Variants in BBX observed in about 807,000 individuals in gnomAD.
BBX encodes HMG box transcription factor BBX.
In BBX, 30 loss-of-function variants were observed where a neutral mutation model predicts 100.2. The observed-to-expected ratio is 0.30, with a 90% CI of 0.22 to 0.41. BBX has a LOEUF of 0.41. Ranked by LOEUF, BBX falls within the 10% of genes least tolerant of loss-of-function variation. BBX has a pLI of 1.00. For synonymous variants in BBX, 376 were observed against 388.1 expected (o/e 0.97, Z 0.37); for missense variants, 1,023 against 1,129.8 (o/e 0.91, Z 1.35).
intron 3 of BBX, among the ~76,000 whole-genome samples, chr3:107,708,318 G>C (rs2061504383): frequency 6.6e-6 from 1 of 152,154 alleles, no homozygotes; most frequent in South Asian, 2.1e-4. Flanking sequence ...TTCTTGCTAA[G>C]AATGCCACAA....
At position 107,654,958 on chromosome 3, in the gene BBX, T is replaced by C. The variant is rs141526946; in HGVS notation, c.-10+9049T>C. On this transcript the variant is annotated intron_variant, in intron 3 of 17. Coordinates refer to ENST00000325805, the MANE Select transcript of BBX (RefSeq NM_001142568.3). ...AAAATAGGCAGCAAGTAAAAAATGA[T>C]CTATAACTTTTTTTGCTTCTTAACT... 5.4e-3 allele frequency among the ~76,000 whole-genome samples: 817 copies of C among 152,272 alleles called. 4 individuals are homozygous for C. The highest frequency in any genetic ancestry group is 8.4e-3 in the Non-Finnish European group (574 of 67,996).
At chr3:107,678,017 T>C (rs547496046) in intron 3 of BBX, among the ~76,000 whole-genome samples, 1 of 152,330 alleles carries the variant, frequency 6.6e-6, no homozygotes, top group South Asian at 2.1e-4. Context: ...TCGTAAACAA[T>C]TTAGCATTCA....
intron 10 of BBX, among the ~76,000 whole-genome samples, chr3:107,757,818 A>G (rs1576660171): frequency 6.6e-6 from 1 of 152,236 alleles, no homozygotes; most frequent in Non-Finnish European, 1.5e-5. Context: ...ATAAGAAGAT[A>G]TTGAAGATTT....
chr3:107,634,831 A>G (rs1576100367), intron 2 of BBX, among the ~76,000 whole-genome samples: 1 of 152,180 alleles, frequency 6.6e-6, no homozygotes, highest in African/African-American at 2.4e-5. Flanking sequence ...CTTTCTTTCT[A>G]TCCACCTTAC....
At chr3:107,668,567 G>A (rs961545643) in intron 3 of BBX, among the ~76,000 whole-genome samples, 2 of 152,176 alleles carry the variant, frequency 1.3e-5, no homozygotes, top group Non-Finnish European at 2.9e-5. Context: ...CTGGACCTAA[G>A]AAAGTTCATG....
intron 2 of BBX, among the ~76,000 whole-genome samples, chr3:107,561,582 A>C (rs2050500816): frequency 6.6e-6 from 1 of 152,194 alleles, no homozygotes; most frequent in South Asian, 2.1e-4. Context: ...GATTAATCAC[A>C]ACAGTGGTCA....
intron 3 of BBX, among the ~76,000 whole-genome samples, chr3:107,681,560 C>T (rs951923519): frequency 1.3e-5 from 2 of 151,998 alleles, no homozygotes; most frequent in African/African-American, 2.4e-5. Flanking sequence ...GGAAGTGAAA[C>T]AGCCTTGCCA....
intron 2 of BBX, among the ~76,000 whole-genome samples, chr3:107,594,703 T>G (rs2107601756): frequency 6.6e-6 from 1 of 152,264 alleles, no homozygotes; most frequent in South Asian, 2.1e-4. Flanking sequence ...CATAGGATTG[T>G]TAGGAGATTT....
At chr3:107,573,671 A>G (rs1477836790) in intron 2 of BBX, among the ~76,000 whole-genome samples, 1 of 152,266 alleles carries the variant, frequency 6.6e-6, no homozygotes, top group East Asian at 1.9e-4. Context: ...TATTTTCAGT[A>G]CATTTTAAAG....
In BBX at chr3:107,810,218, A is replaced by T. The variant is rs1416917305; in HGVS notation, c.*4761A>T. The T allele has an allele frequency of 6.6e-6, 1 of 151,898 alleles. No homozygotes were observed. Among genetic ancestry groups the T allele is most frequent in the African/African-American group, 2.4e-5 (1 of 41,366 alleles). 9.4% of individuals were successfully genotyped at this position (151,898 alleles called of 1,614,324 possible). On this transcript the variant is annotated 3_prime_UTR_variant, in exon 18 of 18. Transcript: ENST00000325805. Reference sequence around the variant, plus strand: ...AATGTGCATCTTTTTTTTAAAAAAAAAAAAAAAAAAGGTTCCTCTTCTGGC... The same window carrying T: ...AATGTGCATCTTTTTTTTAAAAAAATAAAAAAAAAAGGTTCCTCTTCTGGC...
At chr3:107,765,717 T>C (rs2066336027) in intron 10 of BBX, among the ~76,000 whole-genome samples, 1 of 152,190 alleles carries the variant, frequency 6.6e-6, no homozygotes, top group Admixed American at 6.5e-5. Context: ...CCTCAGCTCC[T>C]GTGTCCCCTG....
intron 3 of BBX, among the ~76,000 whole-genome samples, chr3:107,698,920 C>T (rs573705008): frequency 6.6e-6 from 1 of 151,776 alleles, no homozygotes; most frequent in South Asian, 2.1e-4. Context: ...CAGAGGGTCA[C>T]AGAGCAGGGC....
intron 3 of BBX, among the ~76,000 whole-genome samples, chr3:107,656,748 TATC>T (rs2058166835): frequency 1.3e-5 from 2 of 152,198 alleles, no homozygotes; most frequent in African/African-American, 2.4e-5. Context: ...ATTTACTAAT[TATC>T]ATGTGCAAGG....
chr3:107,764,759 G>C (rs114184050), intron 10 of BBX, among the ~76,000 whole-genome samples: 2,705 of 152,286 alleles, frequency 0.018, 103 homozygotes, highest in African/African-American at 0.062. Flanking sequence ...AGTCTATTAA[G>C]GGCAGCTTGA....
At chr3:107,687,717 A>C (rs900825147) in intron 3 of BBX, among the ~76,000 whole-genome samples, 2 of 152,178 alleles carry the variant, frequency 1.3e-5, no homozygotes, top group Non-Finnish European at 2.9e-5. Context: ...CCCATAGTTC[A>C]CTACCCAAAA....
chr3:107,580,907 A>G (rs1243766376), intron 2 of BBX, among the ~76,000 whole-genome samples: 1 of 152,376 alleles, frequency 6.6e-6, no homozygotes, highest in East Asian at 1.9e-4. Context: ...CTGGCATTGT[A>G]GGCGTGAGCC....
At chr3:107,528,997 T>C (rs561678217) in intron 2 of BBX, among the ~76,000 whole-genome samples, 19 of 152,184 alleles carry the variant, frequency 1.2e-4, no homozygotes, top group Non-Finnish European at 2.4e-4. Context: ...TTAATAGAAA[T>C]GGTAAAGGCT....
At chr3:107,638,758 CAAAAAA>C (rs59474146) in intron 2 of BBX, among the ~76,000 whole-genome samples, 23 of 91,302 alleles carry the variant, frequency 2.5e-4, no homozygotes, top group African/African-American at 7.0e-4. Flanking sequence ...ACTCCTCTAC[CAAAAAA>C]AAAAAAAAAA....
chr3:107,753,853 A>G (rs1393833018), intron 9 of BBX, among the ~76,000 whole-genome samples: 2 of 152,240 alleles, frequency 1.3e-5, no homozygotes, highest in Non-Finnish European at 2.9e-5. Context: ...AAATATCCAC[A>G]CACACTGCTA....
Sources: allele counts gnomAD v4.1 joint callset (sites outside exome capture counted in the v4.1 genomes callset), GRCh38; gene constraint gnomAD v4.1.1; transcripts MANE v1.5; gene names NCBI Gene and HGNC (gene_info 2026-07-23, HGNC 2026-07-21).